The following SLC14A2 variants were observed in gnomAD, a reference collection of about 807,000 sequenced individuals.
The protein encoded by SLC14A2 is solute carrier family 14 member 2.
Under a neutral mutation model 104.6 loss-of-function variants are expected in SLC14A2, and 91 were observed. The observed-to-expected ratio is 0.87, with a 90% CI of 0.73 to 1.04. SLC14A2 has a LOEUF of 1.04. Ranked by LOEUF, SLC14A2 falls within the 50% of genes least tolerant of loss-of-function variation. SLC14A2 has a pLI of 0.00. For missense variants in SLC14A2, 1,189 were observed against 1,156.0 expected, an observed-to-expected ratio of 1.03 and a Z score of -0.41; for synonymous variants, 476 against 466.4, an observed-to-expected ratio of 1.02 and a Z score of -0.27.
rs201205471 is a variant in SLC14A2 at position 45,667,127 on chromosome 18, C to T, written c.1717+33C>T. On this transcript the variant is annotated intron_variant, in intron 13 of 19. Coordinates refer to ENST00000255226, the MANE Select transcript of SLC14A2 (RefSeq NM_007163.4). Reference sequence around the variant, plus strand: ...TCTATGAGAACAACACTGACCCTGACCCTAAAAACTCACCTCCACCCATCC... The same window carrying T: ...TCTATGAGAACAACACTGACCCTGATCCTAAAAACTCACCTCCACCCATCC... 3.4e-5 allele frequency: 53 copies of T among 1,581,726 alleles called. 1 individual carries two copies. The Admixed American group carries it at 8.4e-4, about 25-fold the overall frequency.
At chr18:45,667,121 C>T in intron 13 of SLC14A2, 27 bp downstream of exon 13, 2 of 1,592,228 alleles carry the variant, frequency 1.3e-6, no homozygotes, top group Non-Finnish European at 8.6e-7. Context: ...ACAACACTGA[C>T]CCTGACCCTA....
intron 2 of SLC14A2, among the ~76,000 whole-genome samples, chr18:45,503,897 T>G (rs1286555916): frequency 6.6e-6 from 1 of 152,158 alleles, no homozygotes; most frequent in Non-Finnish European, 1.5e-5. Flanking sequence ...ATTCTGAACC[T>G]CAGGATCAAA....
At chr18:45,285,276 A>G (rs772896943) in intron 1 of SLC14A2, among the ~76,000 whole-genome samples, 5 of 152,172 alleles carry the variant, frequency 3.3e-5, no homozygotes, top group Non-Finnish European at 5.9e-5. Context: ...TTATTTTTTG[A>G]TATAAAAAAC....
At chr18:45,640,275 T>TAAAA (rs879699022) in intron 7 of SLC14A2, among the ~76,000 whole-genome samples, 19 of 140,756 alleles carry the variant, frequency 1.3e-4, no homozygotes, top group Admixed American at 7.1e-4. Context: ...GACTCCGTCT[T>TAAAA]AAAAAAAAAA....
intron 2 of SLC14A2, among the ~76,000 whole-genome samples, chr18:45,607,722 G>A (rs1239657640): frequency 2.0e-5 from 3 of 152,184 alleles, no homozygotes; most frequent in African/African-American, 7.2e-5. Flanking sequence ...GCGTAACTGG[G>A]TTTTTCTGGC....
At chr18:45,492,164 A>G (rs1419190779) in intron 2 of SLC14A2, 4 of 152,256 alleles carry the variant, frequency 2.6e-5, no homozygotes, top group African/African-American at 9.6e-5. Context: ...TGGGGAGGGC[A>G]AAATGGTCCC....
intron 1 of SLC14A2, among the ~76,000 whole-genome samples, chr18:45,364,697 G>A (rs1387063144): frequency 6.6e-6 from 1 of 152,130 alleles, no homozygotes; most frequent in Non-Finnish European, 1.5e-5. Context: ...CAAGCAGCAG[G>A]GATTGGGGAA....
At position 45,481,112 on chromosome 18, in the gene SLC14A2, A is replaced by T. The variant is rs115305176; in HGVS notation, c.-124-2121A>T. Among the ~76,000 whole-genome samples, 1,262 of 152,210 alleles carry T rather than the reference A, an allele frequency of 8.3e-3. 23 individuals carry two copies. The highest frequency in any genetic ancestry group is 0.028 in the African/African-American group (1,174 of 41,540). On this transcript the variant is annotated intron_variant, in intron 1 of 20. Transcript: ENST00000586448. ...CTTGAGGGAGGAACCAATCCCCAAA[A>T]TTAGGAGGAGGCAGGATTCCAGGCT...
intron 2 of SLC14A2, chr18:45,483,374 T>A (rs1432073399): frequency 6.6e-6 from 1 of 152,202 alleles, no homozygotes; most frequent in African/African-American, 2.4e-5. Context: ...AAACAGCTGC[T>A]ATCACCAATA....
At chr18:45,437,095 T>C (rs952830839) in intron 1 of SLC14A2, among the ~76,000 whole-genome samples, 12 of 152,244 alleles carry the variant, frequency 7.9e-5, no homozygotes, top group Admixed American at 2.6e-4. Context: ...CGTATAGATG[T>C]ACGCGCTAAT....
chr18:45,587,561 G>A (rs1048159696), intron 2 of SLC14A2, among the ~76,000 whole-genome samples: 3 of 152,214 alleles, frequency 2.0e-5, no homozygotes, highest in African/African-American at 7.2e-5. Context: ...AGCACCAGTG[G>A]ATAGATGAGC....
At chr18:45,445,007 A>G (rs1047023932) in intron 1 of SLC14A2, among the ~76,000 whole-genome samples, 1 of 152,106 alleles carries the variant, frequency 6.6e-6, no homozygotes, top group African/African-American at 2.4e-5. Flanking sequence ...TAATGAGTGA[A>G]TGGAACTATG....
chr18:45,447,303 AGACAGT>A (rs1226362731), intron 1 of SLC14A2: 7 of 152,182 alleles, frequency 4.6e-5, no homozygotes, highest in Admixed American at 1.3e-4. Flanking sequence ...CTCTGTGTGG[AGACAGT>A]GACCTCCGGA....
chr18:45,338,020 C>T (rs1485366478), intron 1 of SLC14A2, among the ~76,000 whole-genome samples: 1 of 152,038 alleles, frequency 6.6e-6, no homozygotes, highest in Non-Finnish European at 1.5e-5. Context: ...TAATAAGAAC[C>T]CTGCTCTCCA....
chr18:45,268,816 G>C (rs2084619902), intron 1 of SLC14A2, among the ~76,000 whole-genome samples: 1 of 152,246 alleles, frequency 6.6e-6, no homozygotes. Context: ...AGTCAAGCAT[G>C]AACTATGAGA....
At chr18:45,575,672 A>G (rs2044408423) in intron 2 of SLC14A2, among the ~76,000 whole-genome samples, 1 of 152,218 alleles carries the variant, frequency 6.6e-6, no homozygotes, top group Non-Finnish European at 1.5e-5. Context: ...CTGAAGCAGA[A>G]CTTGAGAGAA....
chr18:45,389,035 C>G (rs527928296), intron 1 of SLC14A2, among the ~76,000 whole-genome samples: 6 of 152,188 alleles, frequency 3.9e-5, no homozygotes, highest in Admixed American at 1.3e-4. Context: ...TTGCATTAAC[C>G]CTTTGAGAGG....
intron 2 of SLC14A2, among the ~76,000 whole-genome samples, chr18:45,540,181 G>T (rs1162920182): frequency 6.6e-6 from 1 of 152,074 alleles, no homozygotes; most frequent in African/African-American, 2.4e-5. Flanking sequence ...TAATGGCAGG[G>T]TAAGGACTGA....
chr18:45,436,404 G>A (rs2086597615), intron 1 of SLC14A2, among the ~76,000 whole-genome samples: 1 of 152,294 alleles, frequency 6.6e-6, no homozygotes. Flanking sequence ...TTTATCCACA[G>A]AGGGAAGAGC....
Sources: allele counts gnomAD v4.1 joint callset (sites outside exome capture counted in the v4.1 genomes callset), GRCh38; gene constraint gnomAD v4.1.1; transcripts MANE v1.5; gene names NCBI Gene and HGNC (gene_info 2026-07-23, HGNC 2026-07-21).